EIF5: variants seen among roughly 807,000 people sequenced by gnomAD.
EIF5 encodes eukaryotic translation initiation factor 5.
In EIF5, 10 loss-of-function variants were observed where a neutral mutation model predicts 48.3. The observed-to-expected ratio is 0.21, with a 90% CI of 0.13 to 0.35. The LOEUF (loss-of-function observed/expected upper bound fraction) is 0.35. Ranked by LOEUF, EIF5 falls within the 10% of genes least tolerant of loss-of-function variation. The probability of loss-of-function intolerance (pLI) is 1.00; values close to 1 mark genes in which losing one functional copy is unlikely to be tolerated. For missense variants in EIF5, 397 were observed against 533.2 expected (o/e 0.74, Z 2.51); for synonymous variants, 237 against 173.1 (o/e 1.37, Z -2.90).
intron 7 of EIF5, 93 bp downstream of exon 7, chr14:103,338,565 C>T (rs539769251): frequency 1.9e-5 from 28 of 1,501,882 alleles, no homozygotes; most frequent in Non-Finnish European, 2.4e-5. Flanking sequence ...AACTAGCCTT[C>T]AGTGTGTAAT....
rs376597123 is a variant in EIF5 at position 103,336,086 on chromosome 14, C to G, written c.123C>G (p.Asp41Glu). The change falls in exon 4 of 12, where the codon GAC (aspartate) becomes GAG (glutamate). Residue 41 changes from aspartate (D) to glutamate (E), a missense_variant. Transcript: ENST00000216554. ...GIKTVIVNMV[D>E]VAKALNRPPT... ...AGACAGTTATAGTCAACATGGTTGA[C>G]GTTGCAAAGGCGCTTAATCGGCCTC... 1.9e-6 allele frequency: 3 copies of G among 1,614,112 alleles called. No homozygotes were observed. The highest frequency in any genetic ancestry group is 4.5e-5 in the East Asian group (2 of 44,890).
Position 103,337,111 on chromosome 14 carries a change from G to C in EIF5, c.328-5G>C, listed in dbSNP as rs780124285. On this transcript the variant is annotated splice_polypyrimidine_tract_variant and splice_region_variant and intron_variant, in intron 5 of 11. Transcript: ENST00000216554. ...TATGGATAACATTTGTTATTTTTTT[G>C]GCAGCATGTCAATCCAAAGAAGCAA... The C allele has an allele frequency of 2.5e-6, 4 of 1,602,388 alleles. No individual in the cohort carries two copies. In the Admixed American group the frequency reaches 7.0e-5, roughly 28 times the overall value.
chr14:103,340,837 A>G, intron 11 of EIF5, 126 bp from the exon 12 acceptor site: 1 of 1,011,868 alleles, frequency 9.9e-7, no homozygotes, highest in Non-Finnish European at 1.5e-6. Flanking sequence ...TGCATAACAG[A>G]GCTGTTCCGT....
rs1261449937 is a variant in EIF5 at position 103,339,225 on chromosome 14, A to G, written c.798A>G (p.Glu266=). The G allele has an allele frequency of 5.6e-6, 9 of 1,611,312 alleles. No individual in the cohort carries two copies. The highest frequency in any genetic ancestry group is 7.6e-6 in the Non-Finnish European group (9 of 1,179,322). ...IDSSDKEIVA[E]AERLDVKAMG... is the part of the protein sequence containing the mutation. ...CATCTGACAAAGAAATCGTTGCTGA[A>G]GCAGAAAGACTGGATGTAAAAGCCA... is the stretch of plus-strand genomic sequence containing the variant. Residue 266 remains glutamate, a synonymous_variant, in exon 9 of 12, where the codon GAA becomes GAG. Coordinates refer to ENST00000216554, the MANE Select transcript of EIF5 (RefSeq NM_001969.5).
At position 103,338,451 on chromosome 14, in the gene EIF5, T is replaced by G. The variant is rs1212455321; in HGVS notation, c.564T>G (p.Ile188Met). Residue 188 changes from isoleucine to methionine, a missense_variant, in exon 7 of 12, where the codon ATT (isoleucine) becomes ATG (methionine). Transcript: ENST00000216554. ...CACCACCACCACCACCAAATGAAAT[T>G]AATCCTCCTCCACATACAATGGTGA... is the stretch of plus-strand genomic sequence containing the variant. ...TPPPPPPPNEINPPPHTMEEE... is the reference protein window; with the variant it reads ...TPPPPPPPNEMNPPPHTMEEE... 6.3e-7 allele frequency: 1 copy of G among 1,578,534 alleles called. No homozygotes were observed.
Position 103,342,842 on chromosome 14 carries a change from C to G in EIF5, c.*1790C>G, listed in dbSNP as rs764539704. On this transcript the variant is annotated 3_prime_UTR_variant, in exon 12 of 12. Coordinates refer to ENST00000216554, the MANE Select transcript of EIF5 (RefSeq NM_001969.5). ...AATTCTTTGCCGCAAGGCTGATCTG[C>G]TTTCATTAACTGGAATTCTGTAGGA... 6.6e-6 allele frequency: 1 copy of G among 152,628 alleles called. No individual in the cohort carries two copies. Among genetic ancestry groups the G allele is most frequent in the Admixed American group, 6.5e-5 (1 of 15,270 alleles). The allele number at this position is 152,628 out of a possible 1,614,324, so 9.5% of individuals were successfully genotyped here.
chr14:103,343,903 G>C lies in EIF5; in HGVS notation c.*2851G>C, dbSNP rs142394168. 4.6e-5 allele frequency: 7 copies of C among 152,170 alleles called. No homozygotes were observed. Among genetic ancestry groups the C allele is most frequent in the African/African-American group, 1.7e-4 (7 of 41,432 alleles). 9.4% of individuals were successfully genotyped at this position (152,170 alleles called of 1,614,324 possible). On this transcript the variant is annotated 3_prime_UTR_variant, in exon 12 of 12. Coordinates refer to ENST00000216554, the MANE Select transcript of EIF5 (RefSeq NM_001969.5). ...GCTATTTTCTTAATTGCTACAGCTT[G>C]ACCTACCAGTATTCCGGAGTAACCA...
intron 6 of EIF5, chr14:103,337,854 A>G (rs1442750466): frequency 3.9e-6 from 2 of 517,858 alleles, no homozygotes; most frequent in African/African-American, 1.9e-5. Context: ...ATTGCAAGCA[A>G]CACTCTGTGG....
At chr14:103,336,927 G>T in intron 5 of EIF5, 78 bp downstream of exon 5, 1 of 1,490,558 alleles carries the variant, frequency 6.7e-7, no homozygotes, top group Non-Finnish European at 9.0e-7. Context: ...TTCCTGAGAA[G>T]GCAGAGCAAA....
At chr14:103,336,396 C>G in intron 4 of EIF5, 1 of 561,864 alleles carries the variant, frequency 1.8e-6, no homozygotes, top group South Asian at 2.2e-5. Flanking sequence ...GCCTAGCCAA[C>G]ATAGTGAAAT....
In EIF5 at chr14:103,337,656, A is replaced by T. The variant is rs573607449; in HGVS notation, c.439+429A>T. On this transcript the variant is annotated intron_variant, in intron 6 of 11. Transcript: ENST00000216554. ...TACTATATTTTATCAAATCTAAGAC[A>T]TCTTTCAAAAGTGTATTGTTAATTA... is the stretch of plus-strand genomic sequence containing the variant. 36 of 334,512 alleles carry T rather than the reference A, an allele frequency of 1.1e-4. 1 individual carries two copies. Among genetic ancestry groups the T allele is most frequent in the South Asian group, 8.0e-4 (34 of 42,356 alleles). The allele number at this position is 334,512 out of a possible 1,614,324, so 20.7% of individuals were successfully genotyped here. A position where few individuals can be genotyped will look rare whatever the true frequency, so the allele number is the denominator to read the frequency against.
At chr14:103,339,425 T>C (rs2089327299) in intron 9 of EIF5, 92 bp downstream of exon 9, 2 of 1,500,892 alleles carry the variant, frequency 1.3e-6, no homozygotes, top group South Asian at 2.7e-5. Flanking sequence ...CCTGTCATGC[T>C]TGAAAGTGGG....
intron 4 of EIF5, chr14:103,336,405 A>C (rs2089286855): frequency 3.6e-6 from 2 of 559,896 alleles, no homozygotes; most frequent in African/African-American, 3.8e-5. Flanking sequence ...ACATAGTGAA[A>C]TCCTGAGTCT....
chr14:103,335,531 A>T, intron 2 of EIF5, 122 bp from the exon 3 acceptor site: 1 of 369,638 alleles, frequency 2.7e-6, no homozygotes, highest in Non-Finnish European at 5.0e-6. Context: ...ATGTGATCTC[A>T]GATGCTTTTT....
Position 103,338,895 on chromosome 14 carries a change from T to TA in EIF5, c.744+6dup, listed in dbSNP as rs757206797. The TA allele has an allele frequency of 3.1e-6, 5 of 1,613,140 alleles. No homozygotes were observed. Among genetic ancestry groups the TA allele is most frequent in the Non-Finnish European group, 4.2e-6 (5 of 1,179,610 alleles). ...AATATCCTCTTTGATTTTGTTAAGG[T>TA]AAAACATTTGCTTGGTCTGTAAATC... On this transcript the variant is annotated splice_region_variant and intron_variant, in intron 8 of 11. Transcript: ENST00000216554.
chr14:103,338,428 C>CCGA lies in EIF5; in HGVS notation c.542_543insGAC (p.Pro181_Pro182insThr). On this transcript the variant is annotated inframe_insertion, in exon 7 of 12. Coordinates refer to ENST00000216554, the MANE Select transcript of EIF5 (RefSeq NM_001969.5). ...CGTATCCAGCAGTGAGACACCACCA[C>CCGA]CACCACCACCACCAAATGAAATTAA... is the stretch of plus-strand genomic sequence containing the variant. The CCGA allele has an allele frequency of 6.3e-7, 1 of 1,591,094 alleles. No individual in the cohort carries two copies. Among genetic ancestry groups the CCGA allele is most frequent in the Non-Finnish European group, 8.6e-7 (1 of 1,167,884 alleles).
In EIF5 at chr14:103,342,941, C is replaced by G. The variant is rs1286416178; in HGVS notation, c.*1889C>G. The G allele has an allele frequency of 6.6e-6, 1 of 152,614 alleles. No individual in the cohort carries two copies. The highest frequency in any genetic ancestry group is 1.9e-4 in the East Asian group (1 of 5,202). The allele number at this position is 152,614 out of a possible 1,614,324, so 9.5% of individuals were successfully genotyped here. ...CTAATGAGGTTCTATTATAAAGGTTCTACTTTTAATCTGAGGGAAAACATG... is the reference window on the plus strand; with the variant it reads ...CTAATGAGGTTCTATTATAAAGGTTGTACTTTTAATCTGAGGGAAAACATG... On this transcript the variant is annotated 3_prime_UTR_variant, in exon 12 of 12. Coordinates refer to ENST00000216554, the MANE Select transcript of EIF5 (RefSeq NM_001969.5).
rs752423687 is a variant in EIF5 at position 103,337,172 on chromosome 14, A to G, written c.384A>G (p.Arg128=). ...ATTCTTGTAAAGCCTGTGGCTATCG[A>G]GGCATGCTTGACACACATCATAAAC... The part of the protein sequence containing the change: ...IGNSCKACGY[R]GMLDTHHKLC... Residue 128 remains arginine (R), a synonymous_variant, in exon 6 of 12, where the codon CGA becomes CGG. Coordinates refer to ENST00000216554, the MANE Select transcript of EIF5 (RefSeq NM_001969.5). 1.2e-6 allele frequency: 2 copies of G among 1,613,614 alleles called. No homozygotes were observed.
At position 103,344,338 on chromosome 14, in the gene EIF5, T is replaced by C. The variant is rs1030043823; in HGVS notation, c.*3286T>C. On this transcript the variant is annotated 3_prime_UTR_variant, in exon 12 of 12. Transcript: ENST00000216554. ...TTAAGGACTTGTGTGTGCTGGGATA[T>C]GAGAATAGAAGCTACAGAGTTCTTT... is the stretch of plus-strand genomic sequence containing the variant. The C allele has an allele frequency of 5.9e-5, 9 of 152,330 alleles. No individual in the cohort carries two copies. Among genetic ancestry groups the C allele is most frequent in the Admixed American group, 4.6e-4 (7 of 15,300 alleles). The allele number at this position is 152,330 out of a possible 1,614,324, so 9.4% of individuals were successfully genotyped here. A position where few individuals can be genotyped will look rare whatever the true frequency, so the allele number is the denominator to read the frequency against.
Sources: allele counts gnomAD v4.1 joint callset, GRCh38; gene constraint gnomAD v4.1.1; transcripts MANE v1.5; gene names NCBI Gene and HGNC (gene_info 2026-07-23, HGNC 2026-07-21).